The following SLC8A3 variants were observed in gnomAD, a reference collection of about 807,000 sequenced individuals.
SLC8A3 encodes the protein sodium/calcium exchanger 3.
SLC8A3 carries 37 observed loss-of-function variants against 65.4 expected under a neutral mutation model. That is an observed-to-expected ratio of 0.57 (90% confidence interval 0.44 to 0.74). The LOEUF (loss-of-function observed/expected upper bound fraction) is 0.74, where lower values mean the gene tolerates loss of function less well. Ranked by LOEUF, SLC8A3 falls within the 30% of genes least tolerant of loss-of-function variation. The pLI, the probability that SLC8A3 is intolerant of heterozygous loss-of-function variation, is 0.00. For missense variants in SLC8A3, 1,112 were observed against 1,172.1 expected, an observed-to-expected ratio of 0.95 and a Z score of 0.75; for synonymous variants, 461 against 444.5, an observed-to-expected ratio of 1.04 and a Z score of -0.47.
intron 2 of SLC8A3, among the ~76,000 whole-genome samples, chr14:70,151,268 A>G (rs1594766114): frequency 6.6e-6 from 1 of 152,280 alleles, no homozygotes; most frequent in Middle Eastern, 3.4e-3. Context: ...AAAGAAAAAA[A>G]AAAAAAAAGA....
At chr14:70,123,073 CAAAAA>C (rs35933485) in intron 2 of SLC8A3, among the ~76,000 whole-genome samples, 3 of 89,462 alleles carry the variant, frequency 3.4e-5, no homozygotes, top group African/African-American at 1.4e-4. Context: ...ACTCCATCTC[CAAAAA>C]AAAAAAAAAA....
At chr14:70,168,579 G>T in intron 1 of SLC8A3, 95 bp from the exon 2 acceptor site, 1 of 612,764 alleles carries the variant, frequency 1.6e-6, no homozygotes, top group Non-Finnish European at 2.9e-6. Context: ...CACCTCCAGT[G>T]ACATATTGCA....
At chr14:70,057,457 C>T (rs1226827153) in intron 3 of SLC8A3, among the ~76,000 whole-genome samples, 2 of 152,176 alleles carry the variant, frequency 1.3e-5, no homozygotes, top group African/African-American at 4.8e-5. Flanking sequence ...ACAAAGGCAG[C>T]TCTTCCAGAA....
At chr14:70,126,255 A>T (rs1894434843) in intron 2 of SLC8A3, among the ~76,000 whole-genome samples, 1 of 152,094 alleles carries the variant, frequency 6.6e-6, no homozygotes, top group South Asian at 2.1e-4. Flanking sequence ...CAATCAATCA[A>T]TCAATCAATA....
intron 2 of SLC8A3, among the ~76,000 whole-genome samples, chr14:70,126,568 TCTCACACACA>T (rs1160618403): frequency 8.3e-4 from 101 of 122,354 alleles, no homozygotes; most frequent in African/African-American, 3.2e-3. Flanking sequence ...TCTCTCTCTC[TCTCACACACA>T]CACACACACA....
rs549986378 is a variant in SLC8A3 at position 70,056,723 on chromosome 14, G to A, written c.1888+4113C>T. On this transcript the variant is annotated intron_variant, in intron 3 of 6. Coordinates refer to ENST00000356921, the MANE Select transcript of SLC8A3 (RefSeq NM_182932.3). ...GCTAAGTCAGAGTTCAGGTATTCTG[G>A]AACAGAGAAACTGTCATACCAACAG... 3.9e-5 allele frequency among the ~76,000 whole-genome samples: 6 copies of A among 152,254 alleles called. No individual in the cohort carries two copies. The South Asian group carries it at 1.2e-3, about 32-fold the overall frequency.
chr14:70,184,460 T>C (rs1425741619), intron 1 of SLC8A3, among the ~76,000 whole-genome samples: 1 of 152,230 alleles, frequency 6.6e-6, no homozygotes, highest in Non-Finnish European at 1.5e-5. Flanking sequence ...CTCTTATCCA[T>C]GTTAGGTCTT....
intron 2 of SLC8A3, among the ~76,000 whole-genome samples, chr14:70,142,076 G>T (rs181326489): frequency 6.6e-6 from 1 of 152,332 alleles, no homozygotes; most frequent in African/African-American, 2.4e-5. Context: ...AATGGCCAGT[G>T]CAGCCCCATG....
chr14:70,046,360 G>T lies in SLC8A3; in HGVS notation c.2390-37C>A. ...CAAAGACACATGGGAACTGGTAGGAGGCTAAGGTGTGCAGGGCTTGTCTTC... is the reference window on the plus strand; with the variant it reads ...CAAAGACACATGGGAACTGGTAGGATGCTAAGGTGTGCAGGGCTTGTCTTC... On this transcript the variant is annotated intron_variant, in intron 6 of 6. Transcript: ENST00000356921. This position sits in a 1 kb window ranked among gnomAD's most constrained non-coding sequence, Gnocchi z 4.2. 2 of 1,562,598 alleles carry T rather than the reference G, an allele frequency of 1.3e-6. No homozygotes were observed. Among genetic ancestry groups the T allele is most frequent in the Middle Eastern group, 1.7e-4 (1 of 5,786 alleles).
chr14:70,084,577 C>A (rs1309464694), intron 2 of SLC8A3, among the ~76,000 whole-genome samples: 1 of 152,188 alleles, frequency 6.6e-6, no homozygotes, highest in Non-Finnish European at 1.5e-5. Context: ...CTCACATGCA[C>A]ACATTTTCAA....
chr14:70,097,422 C>A (rs1892261729), intron 2 of SLC8A3, among the ~76,000 whole-genome samples: 1 of 152,070 alleles, frequency 6.6e-6, no homozygotes, highest in Admixed American at 6.6e-5. Flanking sequence ...GTGTGACAGG[C>A]CAACAACACG....
chr14:70,094,940 T>A (rs1044058538), intron 2 of SLC8A3, among the ~76,000 whole-genome samples: 1 of 152,226 alleles, frequency 6.6e-6, no homozygotes, highest in Non-Finnish European at 1.5e-5. Context: ...TATTGCAAAG[T>A]GGCTAAAGCA....
Position 70,045,945 on chromosome 14 carries a change from G to C in SLC8A3, c.*2C>G. 1 of 1,585,586 alleles carries C rather than the reference G, an allele frequency of 6.3e-7. No homozygotes were observed. The highest frequency in any genetic ancestry group is 8.6e-7 in the Non-Finnish European group (1 of 1,162,636). On this transcript the variant is annotated 3_prime_UTR_variant, in exon 7 of 7. Transcript: ENST00000356921. ...GCCCTGCTGGAGGCTCTGTTGTGTG[G>C]CTTAGAACCCCTTGATGTAGCAATA...
At position 70,045,845 on chromosome 14, in the gene SLC8A3, G is replaced by T. The variant is rs1886695475; in HGVS notation, c.*102C>A. On this transcript the variant is annotated 3_prime_UTR_variant, in exon 7 of 7. Transcript: ENST00000356921. Reference sequence around the variant, plus strand: ...TTCCTGGGGCTTAGGTCCTGATGCTGCCTCTCCAGGGCAGTGCAGTCGGGA... The same window carrying T: ...TTCCTGGGGCTTAGGTCCTGATGCTTCCTCTCCAGGGCAGTGCAGTCGGGA... The T allele has an allele frequency of 2.5e-6, 3 of 1,204,464 alleles. No homozygotes were observed. The highest frequency in any genetic ancestry group is 1.5e-5 in the African/African-American group (1 of 65,068). The allele number at this position is 1,204,464 out of a possible 1,614,324, so 74.6% of individuals were successfully genotyped here. A position where few individuals can be genotyped will look rare whatever the true frequency, so the allele number is the denominator to read the frequency against.
intron 2 of SLC8A3, among the ~76,000 whole-genome samples, chr14:70,163,757 G>A (rs1315386338): frequency 6.6e-6 from 1 of 152,128 alleles, no homozygotes; most frequent in Non-Finnish European, 1.5e-5. Flanking sequence ...TCACCTCTAA[G>A]TTGGGGCCCG....
intron 2 of SLC8A3, among the ~76,000 whole-genome samples, chr14:70,112,772 T>C (rs567799437): frequency 1.3e-5 from 2 of 152,174 alleles, no homozygotes; most frequent in Non-Finnish European, 2.9e-5. Context: ...AAGAGGATGC[T>C]TCCTTGCTTC....
intron 2 of SLC8A3, among the ~76,000 whole-genome samples, chr14:70,127,164 G>A (rs1268765895): frequency 6.7e-6 from 1 of 148,238 alleles, no homozygotes; most frequent in Non-Finnish European, 1.5e-5. Context: ...ACTATAAGGG[G>A]GCAGAAAGGA....
intron 1 of SLC8A3, 127 bp from the exon 2 acceptor site, chr14:70,168,611 C>T (rs1055105558): frequency 2.6e-5 from 15 of 573,868 alleles, no homozygotes; most frequent in Middle Eastern, 4.5e-4. Flanking sequence ...GGCAGTCTCT[C>T]ACTTGGAAAA....
chr14:70,088,087 T>C (rs1044116664), intron 2 of SLC8A3, among the ~76,000 whole-genome samples: 2 of 152,100 alleles, frequency 1.3e-5, no homozygotes, highest in African/African-American at 4.8e-5. Context: ...ATACAAAAGA[T>C]TCAGGTAAGT....
Sources: allele counts gnomAD v4.1 joint callset (sites outside exome capture counted in the v4.1 genomes callset), GRCh38; gene constraint gnomAD v4.1.1; non-coding constraint Gnocchi (gnomAD v3.1); transcripts MANE v1.5; gene names NCBI Gene and HGNC (gene_info 2026-07-23, HGNC 2026-07-21).